CACNA1E: variants seen among roughly 807,000 people sequenced by gnomAD.
CACNA1E encodes the protein voltage-dependent R-type calcium channel subunit alpha-1E.
CACNA1E carries 40 observed loss-of-function variants against 259.2 expected under a neutral mutation model. The ratio of observed to expected loss-of-function variants is 0.15; its 90% CI spans 0.12 to 0.20. The LOEUF (loss-of-function observed/expected upper bound fraction) is 0.20. Among genes scored for constraint, CACNA1E ranks in the 10% least tolerant of loss-of-function variants. The pLI, the probability that CACNA1E is intolerant of heterozygous loss-of-function variation, is 1.00. For missense variants in CACNA1E, 1,874 were observed against 3,040.1 expected (o/e 0.62, Z 9.02); for synonymous variants, 1,104 against 1,138.5 (o/e 0.97, Z 0.61).
chr1:181,738,169 G>A (rs1483387256), intron 23 of CACNA1E, among the ~76,000 whole-genome samples, 198 bp from the exon 24 acceptor site: 1 of 152,240 alleles, frequency 6.6e-6, no homozygotes, highest in Non-Finnish European at 1.5e-5. Context: ...CATGGCTCCA[G>A]CAGGGCCCAT....
At chr1:181,510,309 G>A (rs1666058259) in intron 1 of CACNA1E, among the ~76,000 whole-genome samples, 168 bp from the exon 2 acceptor site, 1 of 152,176 alleles carries the variant, frequency 6.6e-6, no homozygotes, top group Non-Finnish European at 1.5e-5. Context: ...ACCAAAAGTG[G>A]ATGCTAAGGA....
At chr1:181,790,406 C>A (rs2102869247) in intron 43 of CACNA1E, 39 bp from the exon 44 acceptor site, 1 of 1,334,376 alleles carries the variant, frequency 7.5e-7, no homozygotes, top group Non-Finnish European at 1.1e-6. Context: ...AGTGGCATGA[C>A]TGTCCCTCAT....
chr1:181,715,160 G>A (rs1302479991), intron 8 of CACNA1E, among the ~76,000 whole-genome samples, 178 bp from the exon 9 acceptor site: 2 of 152,118 alleles, frequency 1.3e-5, no homozygotes, highest in African/African-American at 4.8e-5. Flanking sequence ...CTGTTCTCAG[G>A]AGCTCTCTGT....
intron 1 of CACNA1E, among the ~76,000 whole-genome samples, chr1:181,408,577 G>C (rs1657626618): frequency 6.6e-6 from 1 of 152,104 alleles, no homozygotes; most frequent in South Asian, 2.1e-4. Flanking sequence ...GCTTGTGTGG[G>C]GGTGGAGGAA....
intron 29 of CACNA1E, 98 bp from the exon 30 acceptor site, chr1:181,756,827 T>C (rs1658131569): frequency 1.2e-6 from 1 of 832,494 alleles, no homozygotes; most frequent in Non-Finnish European, 2.0e-6. Flanking sequence ...ATCTGCAAAG[T>C]CAAAGAAGTC....
intron 1 of CACNA1E, among the ~76,000 whole-genome samples, chr1:181,410,264 C>A (rs879825316): frequency 7.2e-5 from 11 of 152,204 alleles, no homozygotes; most frequent in Non-Finnish European, 1.3e-4. Flanking sequence ...TAGGGACCCA[C>A]CCAGCTGTTG....
At chr1:181,572,875 G>A (rs576647225) in intron 3 of CACNA1E, among the ~76,000 whole-genome samples, 1 of 152,244 alleles carries the variant, frequency 6.6e-6, no homozygotes, top group South Asian at 2.1e-4. Context: ...AGTGATCTGT[G>A]GCGCTTGGTA....
chr1:181,333,124 G>C (rs1309964829), intron 1 of CACNA1E, among the ~76,000 whole-genome samples: 1 of 152,168 alleles, frequency 6.6e-6, no homozygotes, highest in Admixed American at 6.5e-5. Context: ...TTCATCAGCT[G>C]TGGGCCCAGA....
At chr1:181,322,526 C>A (rs558866348) in intron 1 of CACNA1E, among the ~76,000 whole-genome samples, 1 of 152,120 alleles carries the variant, frequency 6.6e-6, no homozygotes, top group Non-Finnish European at 1.5e-5. Flanking sequence ...CTGGCAGAAG[C>A]GAAGATGTGT....
At chr1:181,567,096 A>G (rs1471228900) in intron 3 of CACNA1E, among the ~76,000 whole-genome samples, 1 of 152,216 alleles carries the variant, frequency 6.6e-6, no homozygotes, top group Non-Finnish European at 1.5e-5. Flanking sequence ...TTGGTGGAGA[A>G]GGAGAAAGGA....
In CACNA1E at chr1:181,798,079, G is replaced by A. The variant is rs1394903198; in HGVS notation, c.6400-213G>A. ...AGTTTAACCAGATCCCCAGAGGTTT[G>A]TATGCACAAAGTCTGAGATGTCCTG... On this transcript the variant is annotated intron_variant, in intron 47 of 47. Transcript: ENST00000367573. The surrounding 1 kb of genome is among the most constrained non-coding windows in gnomAD (Gnocchi z 4.2). Among the ~76,000 whole-genome samples the A allele has an allele frequency of 6.6e-6, 1 of 152,164 alleles. No homozygotes were observed. The highest frequency in any genetic ancestry group is 1.5e-5 in the Non-Finnish European group (1 of 68,030).
At chr1:181,777,238 A>T (rs1267285691) in intron 38 of CACNA1E, among the ~76,000 whole-genome samples, 1 of 152,186 alleles carries the variant, frequency 6.6e-6, no homozygotes, top group Non-Finnish European at 1.5e-5. Flanking sequence ...GTTCCAGGTC[A>T]TTTTAGCTTT....
intron 34 of CACNA1E, among the ~76,000 whole-genome samples, chr1:181,765,895 G>C (rs550255664): frequency 2.6e-5 from 4 of 152,176 alleles, no homozygotes; most frequent in Non-Finnish European, 5.9e-5. Flanking sequence ...TCCCAAAGTG[G>C]CAATAAGCAT....
chr1:181,598,421 A>T (rs1323309516), intron 6 of CACNA1E, among the ~76,000 whole-genome samples: 3 of 152,160 alleles, frequency 2.0e-5, no homozygotes, highest in African/African-American at 7.2e-5. Flanking sequence ...AACCTTGTAG[A>T]CATAGAATTT....
intron 2 of CACNA1E, among the ~76,000 whole-genome samples, chr1:181,417,269 C>T (rs1658342230): frequency 6.6e-6 from 1 of 152,132 alleles, no homozygotes; most frequent in South Asian, 2.1e-4. Context: ...AACATATTTT[C>T]CAGATAAAAT....
At chr1:181,641,831 A>G (rs752910077) in intron 6 of CACNA1E, among the ~76,000 whole-genome samples, 1 of 144,144 alleles carries the variant, frequency 6.9e-6, no homozygotes, top group Non-Finnish European at 1.5e-5. Context: ...CTTCTGCCTC[A>G]GCCTCCTGAG....
chr1:181,669,041 A>G (rs949238000), intron 7 of CACNA1E: 2 of 152,168 alleles, frequency 1.3e-5, no homozygotes, highest in Non-Finnish European at 2.9e-5. Flanking sequence ...AAAAATTATA[A>G]TAAGGTAGAC....
At chr1:181,447,959 C>G (rs1348189401) in intron 2 of CACNA1E, among the ~76,000 whole-genome samples, 2 of 152,210 alleles carry the variant, frequency 1.3e-5, no homozygotes, top group Non-Finnish European at 2.9e-5. Context: ...TGAACTCACT[C>G]TTTTCTCTTC....
intron 1 of CACNA1E, among the ~76,000 whole-genome samples, chr1:181,360,255 C>G (rs1455100340): frequency 6.6e-6 from 1 of 152,104 alleles, no homozygotes; most frequent in African/African-American, 2.4e-5. Flanking sequence ...AGGCATATAC[C>G]CCAAAGAACC....
Sources: gnomAD v4.1 joint callset for allele counts (sites outside exome capture counted in the v4.1 genomes callset) on GRCh38, gnomAD v4.1.1 for gene constraint, Gnocchi (gnomAD v3.1) non-coding constraint, MANE v1.5 for transcripts, NCBI Gene and HGNC (gene_info 2026-07-23, HGNC 2026-07-21) for gene names.